TSPAN33: variants seen among roughly 807,000 people sequenced by gnomAD.
The protein encoded by TSPAN33 is tetraspanin-33.
A neutral mutation model predicts 34.8 loss-of-function variants in TSPAN33; 27 were observed. The observed-to-expected ratio is 0.78, with a 90% CI of 0.57 to 1.07. The LOEUF (loss-of-function observed/expected upper bound fraction) is 1.07, where lower values mean the gene tolerates loss of function less well. Among genes scored for constraint, TSPAN33 ranks in the 50% least tolerant of loss-of-function variants. The pLI, the probability that TSPAN33 is intolerant of heterozygous loss-of-function variation, is 0.00. For missense variants in TSPAN33, 272 were observed against 324.9 expected (o/e 0.84, Z 1.25); for synonymous variants, 119 against 124.2 (o/e 0.96, Z 0.28).
intron 1 of TSPAN33, among the ~76,000 whole-genome samples, chr7:129,149,024 A>G (rs757457819): frequency 6.6e-6 from 1 of 152,104 alleles, no homozygotes; most frequent in Non-Finnish European, 1.5e-5. Context: ...CAAATACACT[A>G]GGAGGCAGAG....
intron 1 of TSPAN33, among the ~76,000 whole-genome samples, chr7:129,155,161 A>G (rs1195234701): frequency 6.6e-6 from 1 of 152,232 alleles, no homozygotes; most frequent in Admixed American, 6.5e-5. Flanking sequence ...GCACAGAAAG[A>G]CAAATATTGC....
chr7:129,164,645 C>T, intron 5 of TSPAN33, 76 bp downstream of exon 5: 1 of 1,343,990 alleles, frequency 7.4e-7, no homozygotes, highest in Non-Finnish European at 1.1e-6. Context: ...ACCCTCTATG[C>T]CTGTGGGGCT....
chr7:129,158,205 C>T (rs941538526), intron 1 of TSPAN33, among the ~76,000 whole-genome samples: 2 of 152,174 alleles, frequency 1.3e-5, no homozygotes, highest in African/African-American at 4.8e-5. Context: ...GATAATTTCC[C>T]TAGCTCAAAA....
At chr7:129,153,665 T>G (rs35493754) in intron 1 of TSPAN33, among the ~76,000 whole-genome samples, 148,619 of 152,222 alleles carry the variant, frequency 0.98, 72,648 homozygotes, top group East Asian at 1. Flanking sequence ...AAAAGATCAG[T>G]TGCAGTGGCT....
Position 129,156,622 on chromosome 7 carries a change from T to G in TSPAN33, c.103-5057T>G, listed in dbSNP as rs139631336. Among the ~76,000 whole-genome samples, 117 of 152,338 alleles carry G rather than the reference T, an allele frequency of 7.7e-4. 1 individual carries two copies. Among genetic ancestry groups the G allele is most frequent in the African/African-American group, 2.7e-3 (112 of 41,576 alleles). On this transcript the variant is annotated intron_variant, in intron 1 of 7. Coordinates refer to ENST00000486685, the MANE Select transcript of TSPAN33 (RefSeq NM_178562.5). ...ATATTTCTTTATTTCGGTGCTCAAATTGTTCTAGCCTTGGCCATTGGGAGC... is the reference window on the plus strand; with the variant it reads ...ATATTTCTTTATTTCGGTGCTCAAAGTGTTCTAGCCTTGGCCATTGGGAGC...
chr7:129,167,273 A>G lies in TSPAN33; in HGVS notation c.589-126A>G. The G allele has an allele frequency of 2.4e-6, 3 of 1,228,556 alleles. No individual in the cohort carries two copies. The highest frequency in any genetic ancestry group is 3.4e-6 in the Non-Finnish European group (3 of 877,516). 76.1% of individuals were successfully genotyped at this position (1,228,556 alleles called of 1,614,324 possible). A position where few individuals can be genotyped will look rare whatever the true frequency, so the allele number is the denominator to read the frequency against. On this transcript the variant is annotated intron_variant, in intron 6 of 7. Coordinates refer to ENST00000486685, the MANE Select transcript of TSPAN33 (RefSeq NM_178562.5). This position sits in a 1 kb window ranked among gnomAD's most constrained non-coding sequence, Gnocchi z 4.6. ...TCTGCATTTGGCAACTTCCAACCCA[A>G]TATCCTCCACATATATTCTCTGACA...
intron 1 of TSPAN33, among the ~76,000 whole-genome samples, chr7:129,145,717 G>C (rs1229569567): frequency 6.6e-6 from 1 of 151,880 alleles, no homozygotes; most frequent in Non-Finnish European, 1.5e-5. Context: ...ACAGGACCCC[G>C]TGTTGGGCCG....
At chr7:129,147,307 T>C (rs1451837729) in intron 1 of TSPAN33, among the ~76,000 whole-genome samples, 1 of 152,164 alleles carries the variant, frequency 6.6e-6, no homozygotes, top group Non-Finnish European at 1.5e-5. Flanking sequence ...TCTGCCTCAG[T>C]GAACTATTTA....
At chr7:129,161,031 G>A (rs1793042362) in intron 1 of TSPAN33, among the ~76,000 whole-genome samples, 2 of 152,140 alleles carry the variant, frequency 1.3e-5, no homozygotes. Flanking sequence ...TGCCCTATGT[G>A]TACCCAAGTT....
rs765666764 is a variant in TSPAN33 at position 129,165,778 on chromosome 7, C to T, written c.460-1000C>T. ...TACAAAAATTAGCCGGGTTTGGTGG[C>T]GCACACCTGTAGTCCCAGCTACTCA... is the stretch of plus-strand genomic sequence containing the variant. On this transcript the variant is annotated intron_variant, in intron 5 of 7. Coordinates refer to ENST00000486685, the MANE Select transcript of TSPAN33 (RefSeq NM_178562.5). This position sits in a 1 kb window ranked among gnomAD's most constrained non-coding sequence, Gnocchi z 4.5. 8.5e-5 allele frequency among the ~76,000 whole-genome samples: 13 copies of T among 152,060 alleles called. No homozygotes were observed. Among genetic ancestry groups the T allele is most frequent in the Non-Finnish European group, 1.9e-4 (13 of 68,012 alleles).
In TSPAN33 at chr7:129,167,570, C is replaced by G; in HGVS notation, c.750+10C>G. 3.1e-6 allele frequency: 5 copies of G among 1,612,428 alleles called. No homozygotes were observed. The highest frequency in any genetic ancestry group is 4.2e-6 in the Non-Finnish European group (5 of 1,178,852). ...CCTGGCCATCCCCCAGGTAACTTAC[C>G]CTGTGAGACTTGTTGGTCCCACACA... On this transcript the variant is annotated intron_variant, in intron 7 of 7. Coordinates refer to ENST00000486685, the MANE Select transcript of TSPAN33 (RefSeq NM_178562.5). This position sits in a 1 kb window ranked among gnomAD's most constrained non-coding sequence, Gnocchi z 4.6.
chr7:129,161,628 G>A, intron 1 of TSPAN33, 51 bp from the exon 2 acceptor site: 1 of 1,585,556 alleles, frequency 6.3e-7, no homozygotes, highest in Non-Finnish European at 8.7e-7. Flanking sequence ...GGCATTCAGG[G>A]CTCTCTGGTT....
chr7:129,162,322 GCACCCTCC>G, intron 2 of TSPAN33, 64 bp from the exon 3 acceptor site: 1 of 1,588,640 alleles, frequency 6.3e-7, no homozygotes. Context: ...ACAGTTTGGG[GCACCCTCC>G]CACCCCATCC....
At chr7:129,154,338 GA>G (rs1051557910) in intron 1 of TSPAN33, among the ~76,000 whole-genome samples, 3 of 151,704 alleles carry the variant, frequency 2.0e-5, no homozygotes, top group African/African-American at 4.8e-5. Context: ...GTGGGGGGAA[GA>G]AAAAAAGATC....
chr7:129,161,535 A>C, intron 1 of TSPAN33, 144 bp from the exon 2 acceptor site: 1 of 724,036 alleles, frequency 1.4e-6, no homozygotes, highest in Non-Finnish European at 2.4e-6. Context: ...AGATTCTATC[A>C]GCAGAATCAC....
rs1479086495 is a variant in TSPAN33, at chr7:129,144,978, G to T, written c.-3G>T. 2 of 637,984 alleles carry T rather than the reference G, an allele frequency of 3.1e-6. No individual in the cohort carries two copies. The highest frequency in any genetic ancestry group is 2.9e-6 in the Non-Finnish European group (1 of 349,942). The allele number at this position is 637,984 out of a possible 1,614,324, so 39.5% of individuals were successfully genotyped here. Reference sequence around the variant, plus strand: ...CCCCGGGGGCGGTGGCGGCGGCGGGGCCATGGCGCGGAGACCCCGGGCGCC... The same window carrying T: ...CCCCGGGGGCGGTGGCGGCGGCGGGTCCATGGCGCGGAGACCCCGGGCGCC... On this transcript the variant is annotated 5_prime_UTR_variant, in exon 1 of 8. Transcript: ENST00000486685.
rs1242807788 is a variant in TSPAN33, at chr7:129,148,797, C to T, written c.102+3715C>T. Among the ~76,000 whole-genome samples the T allele has an allele frequency of 6.6e-6, 1 of 152,156 alleles. No homozygotes were observed. Among genetic ancestry groups the T allele is most frequent in the Non-Finnish European group, 1.5e-5 (1 of 68,028 alleles). ...AGGTCTTCCCTAGGCTGAGCCAAGCCACCAGTGGGGCATCTTCTTCAAGAA... is the reference window on the plus strand; with the variant it reads ...AGGTCTTCCCTAGGCTGAGCCAAGCTACCAGTGGGGCATCTTCTTCAAGAA... On this transcript the variant is annotated intron_variant, in intron 1 of 7. Coordinates refer to ENST00000486685, the MANE Select transcript of TSPAN33 (RefSeq NM_178562.5). The surrounding 1 kb of genome is among the most constrained non-coding windows in gnomAD (Gnocchi z 4.2).
chr7:129,148,598 G>C lies in TSPAN33; in HGVS notation c.102+3516G>C, dbSNP rs1201049223. On this transcript the variant is annotated intron_variant, in intron 1 of 7. Coordinates refer to ENST00000486685, the MANE Select transcript of TSPAN33 (RefSeq NM_178562.5). This position sits in a 1 kb window ranked among gnomAD's most constrained non-coding sequence, Gnocchi z 4.2. Reference sequence around the variant, plus strand: ...AACCTGGGGTCCTTGAGCACTCTTGGTGATGAGGTACCCAACTGTGTTCTC... The same window carrying C: ...AACCTGGGGTCCTTGAGCACTCTTGCTGATGAGGTACCCAACTGTGTTCTC... 6.6e-6 allele frequency among the ~76,000 whole-genome samples: 1 copy of C among 152,146 alleles called. No homozygotes were observed. Among genetic ancestry groups the C allele is most frequent in the Non-Finnish European group, 1.5e-5 (1 of 68,026 alleles).
At chr7:129,162,737 G>A (rs1793071857) in intron 3 of TSPAN33, 96 bp from the exon 4 acceptor site, 1 of 1,477,268 alleles carries the variant, frequency 6.8e-7, no homozygotes, top group Non-Finnish European at 9.3e-7. Context: ...GGGGCATCTG[G>A]GAGAATTGCC....
Sources: allele counts gnomAD v4.1 joint callset (sites outside exome capture counted in the v4.1 genomes callset), GRCh38; gene constraint gnomAD v4.1.1; non-coding constraint Gnocchi (gnomAD v3.1); transcripts MANE v1.5; gene names NCBI Gene and HGNC (gene_info 2026-07-23, HGNC 2026-07-21).